TRRAP: variants seen among roughly 807,000 people sequenced by gnomAD.
TRRAP encodes the protein transformation/transcription domain associated protein.
Under a neutral mutation model 438.8 loss-of-function variants are expected in TRRAP, and 41 were observed. The observed-to-expected ratio is 0.09, with a 90% CI of 0.07 to 0.12. TRRAP has a LOEUF of 0.12. Ranked by LOEUF, TRRAP falls within the 10% of genes least tolerant of loss-of-function variation. The pLI is 1.00. For synonymous variants in TRRAP, 1,994 were observed against 1,962.9 expected, an observed-to-expected ratio of 1.02 and a Z score of -0.42; for missense variants, 3,122 against 5,055.1, an observed-to-expected ratio of 0.62 and a Z score of 11.60.
chr7:98,985,012 A>C lies in TRRAP; in HGVS notation c.9357A>C (p.Ala3119=), dbSNP rs147751423. 1.5e-5 allele frequency: 24 copies of C among 1,613,324 alleles called. No homozygotes were observed. Among genetic ancestry groups the C allele is most frequent in the Non-Finnish European group, 2.0e-5 (23 of 1,179,446 alleles). The change falls in exon 62 of 73, where the codon GCA becomes GCC. Residue 3119 remains alanine, a synonymous_variant. Coordinates refer to ENST00000456197, the MANE Select transcript of TRRAP (RefSeq NM_001375524.1). The stretch of plus-strand genomic sequence containing the variant: ...AAGAGATGACAGCCGAATTTTATGC[A>C]CTGAAGGGAATGTTCTTGGCTCAGA... ...FTKEMTAEFY[A]LKGMFLAQIN...
At chr7:98,920,643 T>G (rs941940683) in intron 20 of TRRAP, among the ~76,000 whole-genome samples, 1 of 152,236 alleles carries the variant, frequency 6.6e-6, no homozygotes, top group South Asian at 2.1e-4. Context: ...TCCATAGTCC[T>G]GTAATGGAGG....
chr7:98,900,639 C>T lies in TRRAP; in HGVS notation c.816C>T (p.Tyr272=), dbSNP rs782341098. 3.1e-6 allele frequency: 5 copies of T among 1,611,252 alleles called. No homozygotes were observed. Among genetic ancestry groups the T allele is most frequent in the East Asian group, 4.5e-5 (2 of 44,846 alleles). The change falls in exon 11 of 73, where the codon TAC becomes TAT. Residue 272 remains tyrosine, a synonymous_variant. Coordinates refer to ENST00000456197, the MANE Select transcript of TRRAP (RefSeq NM_001375524.1). ...TCTTATTCAGGCAACATAAGCTTTACAACAAGGAGTTGTATGCTGACTTCA... is the reference window on the plus strand; with the variant it reads ...TCTTATTCAGGCAACATAAGCTTTATAACAAGGAGTTGTATGCTGACTTCA... ...VSAQARQHKL[Y]NKELYADFIA...
chr7:98,928,708 C>A (rs571689761), intron 23 of TRRAP, among the ~76,000 whole-genome samples: 1 of 152,112 alleles, frequency 6.6e-6, no homozygotes, highest in African/African-American at 2.4e-5. Context: ...GCCCCTTGGC[C>A]TATTTAATAA....
chr7:98,969,435 A>G (rs1337080653), intron 51 of TRRAP, among the ~76,000 whole-genome samples: 1 of 152,230 alleles, frequency 6.6e-6, no homozygotes, highest in Non-Finnish European at 1.5e-5. Flanking sequence ...ATGTTACCAC[A>G]GTGAGCACAT....
At chr7:99,010,617 T>C (rs569067765) in intron 70 of TRRAP, among the ~76,000 whole-genome samples, 1 of 152,268 alleles carries the variant, frequency 6.6e-6, no homozygotes, top group South Asian at 2.1e-4. Context: ...TCGTGTGGTG[T>C]GTGTGGTTAG....
intron 39 of TRRAP, 64 bp downstream of exon 39, chr7:98,951,068 T>TGTGTGA: frequency 7.9e-7 from 1 of 1,270,034 alleles, no homozygotes; most frequent in Non-Finnish European, 1.0e-6. Context: ...TCTGTGTGTG[T>TGTGTGA]GTGTGTGTGT....
At chr7:98,944,285 A>G (rs1790941514) in intron 31 of TRRAP, among the ~76,000 whole-genome samples, 2 of 152,230 alleles carry the variant, frequency 1.3e-5, no homozygotes, top group African/African-American at 2.4e-5. Flanking sequence ...AACATTTAAA[A>G]AAAAACCTAG....
In TRRAP at chr7:99,011,280, C is replaced by A. The variant is rs753885437; in HGVS notation, c.11142+25C>A. 3.1e-6 allele frequency: 5 copies of A among 1,613,468 alleles called. No homozygotes were observed. The Admixed American group carries it at 8.3e-5, about 27-fold the overall frequency. On this transcript the variant is annotated intron_variant, in intron 71 of 72. Transcript: ENST00000456197. The surrounding 1 kb of genome is among the most constrained non-coding windows in gnomAD (Gnocchi z 7.1). ...GGTAACCTGCTTTGAACAGCCAGATCCTCTCCTCGTGACATCGCCTTTCTG... is the reference window on the plus strand; with the variant it reads ...GGTAACCTGCTTTGAACAGCCAGATACTCTCCTCGTGACATCGCCTTTCTG...
rs773430406 is a variant in TRRAP at position 98,961,420 on chromosome 7, C to G, written c.6649C>G (p.Arg2217Gly). The G allele has an allele frequency of 1.2e-6, 2 of 1,614,110 alleles. No homozygotes were observed. Among genetic ancestry groups the G allele is most frequent in the Admixed American group, 1.7e-5 (1 of 60,008 alleles). The change falls in exon 46 of 73, where the codon CGA becomes GGA. Residue 2217 changes from arginine (R) to glycine (G), a missense_variant. Arg to Gly is a moderately radical substitution (Grantham distance 125). Around this residue, in one of 24 missense-constraint regions of TRRAP, gnomAD observed 992 missense variants for 1,281.2 expected, o/e 0.77. Coordinates refer to ENST00000456197, the MANE Select transcript of TRRAP (RefSeq NM_001375524.1). ...GACATGTGGAAACACCAAGGTGTTG[C>G]GAGCCGTCCACAGCCTTCTCTCGCG... ...CMTCGNTKVL[R>G]AVHSLLSRLM...
At chr7:98,931,770 T>G in intron 26 of TRRAP, 105 bp downstream of exon 26, 1 of 1,486,652 alleles carries the variant, frequency 6.7e-7, no homozygotes, top group Non-Finnish European at 9.0e-7. Flanking sequence ...TGTGTCTTGG[T>G]ATCTGTGGGG....
rs114408697 is a variant in TRRAP at position 98,955,738 on chromosome 7, G to C, written c.5938-408G>C. 3.3e-3 allele frequency among the ~76,000 whole-genome samples: 499 copies of C among 152,308 alleles called. 4 individuals are homozygous for C. Among genetic ancestry groups the C allele is most frequent in the African/African-American group, 0.012 (481 of 41,578 alleles). ...TTTCTTGTAGATTTGGGGTAGAAGA[G>C]AAAGGATTGAGTTGAAAGCAAATTC... On this transcript the variant is annotated intron_variant, in intron 41 of 72. Transcript: ENST00000456197.
intron 45 of TRRAP, among the ~76,000 whole-genome samples, chr7:98,960,189 AAGTACCATGT>A (rs1791823554): frequency 6.6e-6 from 1 of 152,218 alleles, no homozygotes; most frequent in South Asian, 2.1e-4. Context: ...ATTTGTTATC[AAGTACCATGT>A]AGCACTTAGG....
At chr7:98,923,915 A>G (rs1584317097) in intron 21 of TRRAP, among the ~76,000 whole-genome samples, 1 of 152,180 alleles carries the variant, frequency 6.6e-6, no homozygotes, top group African/African-American at 2.4e-5. Context: ...TGTCTTCGCC[A>G]CTATCTCAGT....
At position 98,964,677 on chromosome 7, in the gene TRRAP, T is replaced by C. The variant is rs1222529931; in HGVS notation, c.6878T>C (p.Ile2293Thr). 5 of 1,614,110 alleles carry C rather than the reference T, an allele frequency of 3.1e-6. No homozygotes were observed. The highest frequency in any genetic ancestry group is 2.2e-5 in the East Asian group (1 of 44,884). Residue 2293 changes from isoleucine (I) to threonine (T), a missense_variant, in exon 48 of 73, where the codon ATA becomes ACA. Transcript: ENST00000456197. The part of the protein sequence containing the change: ...KSACSNNPSY[I>T]DRLISVFMRS... Reference sequence around the variant, plus strand: ...GCCTGCAGCAACAACCCCAGCTACATAGACAGGCTGATCTCCGTCTTTATG... The same window carrying C: ...GCCTGCAGCAACAACCCCAGCTACACAGACAGGCTGATCTCCGTCTTTATG...
chr7:98,878,793 G>A (rs979966270), intron 1 of TRRAP, among the ~76,000 whole-genome samples, 156 bp downstream of exon 1: 2 of 151,998 alleles, frequency 1.3e-5, no homozygotes, highest in South Asian at 4.1e-4. Flanking sequence ...CCCACCTGGG[G>A]CTGCGGGGCC....
intron 6 of TRRAP, among the ~76,000 whole-genome samples, chr7:98,895,372 G>A (rs746695156): frequency 2.6e-5 from 4 of 152,184 alleles, no homozygotes; most frequent in Non-Finnish European, 5.9e-5. Flanking sequence ...CCGAGGCAAA[G>A]GCATTGAAGT....
intron 59 of TRRAP, 25 bp from the exon 60 acceptor site, chr7:98,983,239 G>A (rs780541594): frequency 6.3e-7 from 1 of 1,580,774 alleles, no homozygotes; most frequent in Admixed American, 1.8e-5. Context: ...ATTTACCGCA[G>A]AGTCTCTTAT....
At chr7:98,902,711 T>C (rs1195452428) in intron 11 of TRRAP, among the ~76,000 whole-genome samples, 1 of 152,124 alleles carries the variant, frequency 6.6e-6, no homozygotes, top group East Asian at 1.9e-4. Flanking sequence ...TAGAGCCTGT[T>C]CTGAGTTGGC....
Position 99,008,223 on chromosome 7 carries a change from A to G in TRRAP, c.10754-154A>G, listed in dbSNP as rs778763029. 5.7e-4 allele frequency among the ~76,000 whole-genome samples: 86 copies of G among 152,180 alleles called. 1 individual carries two copies. Among genetic ancestry groups the G allele is most frequent in the Admixed American group, 9.2e-4 (14 of 15,280 alleles). On this transcript the variant is annotated intron_variant, in intron 69 of 72. Coordinates refer to ENST00000456197, the MANE Select transcript of TRRAP (RefSeq NM_001375524.1). ...AGAGCCTCATGCCATCTGTTGAGCA[A>G]ATGGATGGTGCATGACCACCGGGTT...
Sources: allele counts gnomAD v4.1 joint callset (sites outside exome capture counted in the v4.1 genomes callset), GRCh38; gene constraint gnomAD v4.1.1; regional missense constraint gnomAD v4.1.1; non-coding constraint Gnocchi (gnomAD v3.1); transcripts MANE v1.5; gene names NCBI Gene and HGNC (gene_info 2026-07-23, HGNC 2026-07-21).